The following TECPR2 variants were observed in gnomAD, a reference collection of about 807,000 sequenced individuals.
TECPR2 encodes tectonin beta-propeller repeat-containing protein 2.
In TECPR2, 65 loss-of-function variants were observed where a neutral mutation model predicts 138.1. The ratio of observed to expected loss-of-function variants is 0.47; its 90% CI spans 0.39 to 0.58. The LOEUF is 0.58. Among genes scored for constraint, TECPR2 ranks in the 20% least tolerant of loss-of-function variants. TECPR2 has a pLI of 0.00. For synonymous variants in TECPR2, 746 were observed against 749.8 expected (o/e 0.99, Z 0.08); for missense variants, 1,553 against 1,824.5 (o/e 0.85, Z 2.71).
chr14:102,479,949 G>GA (rs1273464021), intron 17 of TECPR2, among the ~76,000 whole-genome samples: 2 of 152,240 alleles, frequency 1.3e-5, no homozygotes, highest in African/African-American at 4.8e-5. Context: ...TGCCAGCCAG[G>GA]AGGGACTGTT....
intron 4 of TECPR2, among the ~76,000 whole-genome samples, chr14:102,410,103 C>A (rs1375565383): frequency 6.6e-6 from 1 of 152,212 alleles, no homozygotes; most frequent in Non-Finnish European, 1.5e-5. Flanking sequence ...GCCACTGCGC[C>A]TGGCTGAAAT....
rs971036474 is a variant in TECPR2 at position 102,403,228 on chromosome 14, A to G, written c.220-4110A>G. 2.6e-5 allele frequency among the ~76,000 whole-genome samples: 4 copies of G among 152,230 alleles called. No individual in the cohort carries two copies. In the South Asian group the frequency reaches 6.2e-4, roughly 24 times the overall value. On this transcript the variant is annotated intron_variant, in intron 2 of 19. Coordinates refer to ENST00000359520, the MANE Select transcript of TECPR2 (RefSeq NM_014844.5). Reference sequence around the variant, plus strand: ...TATTTCTGGAATGCAAGGATGGTTCAACATATGAAAGTCAGTTACCTAATA... The same window carrying G: ...TATTTCTGGAATGCAAGGATGGTTCGACATATGAAAGTCAGTTACCTAATA...
At chr14:102,412,201 G>A (rs1567329875) in intron 4 of TECPR2, among the ~76,000 whole-genome samples, 2 of 142,952 alleles carry the variant, frequency 1.4e-5, no homozygotes, top group Non-Finnish European at 3.0e-5. Flanking sequence ...GTGCAATCAC[G>A]GCTCACTGCA....
intron 2 of TECPR2, among the ~76,000 whole-genome samples, chr14:102,383,159 T>C (rs1335514699): frequency 6.6e-6 from 1 of 152,210 alleles, no homozygotes; most frequent in Non-Finnish European, 1.5e-5. Context: ...AAGATTCTCT[T>C]GTGCTACCTC....
Position 102,414,778 on chromosome 14 carries a change from C to T in TECPR2, c.623C>T (p.Thr208Ile), listed in dbSNP as rs144870163. Residue 208 changes from threonine (T) to isoleucine (I), a missense_variant, in exon 5 of 20, where the codon ACA (threonine) becomes ATA (isoleucine). Transcript: ENST00000359520. Reference sequence around the variant, plus strand: ...GAAAAGTCTGTAAGGCAAATTGGAACACAACCAAGGAAAAGGTAAGTTTCA... The same window carrying T: ...GAAAAGTCTGTAAGGCAAATTGGAATACAACCAAGGAAAAGGTAAGTTTCA... ...TEEKSVRQIG[T>I]QPRKSTGKFG... 331 of 1,614,142 alleles carry T rather than the reference C, an allele frequency of 2.1e-4. No homozygotes were observed. The African/African-American group carries it at 4.1e-3, about 20-fold the overall frequency.
At chr14:102,437,892 G>A in intron 9 of TECPR2, 130 bp from the exon 10 acceptor site, 1 of 1,061,996 alleles carries the variant, frequency 9.4e-7, no homozygotes, top group East Asian at 2.5e-5. Context: ...GAGAAGGGTT[G>A]ACTTGGCGTC....
chr14:102,482,071 A>G (rs1595146649), intron 17 of TECPR2, among the ~76,000 whole-genome samples: 1 of 149,572 alleles, frequency 6.7e-6, no homozygotes, highest in African/African-American at 2.5e-5. Flanking sequence ...TTTTTTTGAG[A>G]CAGAGCCTTG....
intron 17 of TECPR2, among the ~76,000 whole-genome samples, chr14:102,478,748 G>A (rs1890821403): frequency 6.6e-6 from 1 of 152,042 alleles, no homozygotes; most frequent in Non-Finnish European, 1.5e-5. Flanking sequence ...AAGCATGGTG[G>A]CTCACACCTG....
intron 1 of TECPR2, among the ~76,000 whole-genome samples, chr14:102,364,571 A>G (rs1887291175): frequency 6.6e-6 from 1 of 152,206 alleles, no homozygotes. Flanking sequence ...AGTGGTGGGG[A>G]AGATGGAATG....
chr14:102,430,238 T>C (rs1002292058), intron 7 of TECPR2, among the ~76,000 whole-genome samples: 1 of 152,116 alleles, frequency 6.6e-6, no homozygotes, highest in Non-Finnish European at 1.5e-5. Context: ...CCTCCCAAAG[T>C]GATGGGATTA....
At chr14:102,473,803 C>T (rs560694311) in intron 17 of TECPR2, among the ~76,000 whole-genome samples, 45 of 152,296 alleles carry the variant, frequency 3.0e-4, no homozygotes, top group South Asian at 6.2e-4. Context: ...AATTTTCTGT[C>T]TGTGTTAGAG....
intron 14 of TECPR2, 81 bp from the exon 15 acceptor site, chr14:102,450,479 C>T: frequency 7.3e-7 from 1 of 1,377,948 alleles, no homozygotes; most frequent in Non-Finnish European, 1.0e-6. Context: ...TGAAGGCCAG[C>T]TGTCGTCCAG....
chr14:102,372,125 A>AT (rs981890268), intron 1 of TECPR2, among the ~76,000 whole-genome samples: 6 of 151,658 alleles, frequency 4.0e-5, no homozygotes, highest in African/African-American at 1.2e-4. Context: ...TAATTTTTGT[A>AT]TTTTTTGCAG....
At chr14:102,475,974 G>C (rs935516389) in intron 17 of TECPR2, among the ~76,000 whole-genome samples, 1 of 152,166 alleles carries the variant, frequency 6.6e-6, no homozygotes. Flanking sequence ...CAGCACATTG[G>C]GAGGCTGAGG....
intron 6 of TECPR2, among the ~76,000 whole-genome samples, chr14:102,427,244 C>G (rs1289472458): frequency 6.6e-6 from 1 of 152,176 alleles, no homozygotes; most frequent in Admixed American, 6.5e-5. Flanking sequence ...AACTTATGTG[C>G]ACTTATTAAT....
chr14:102,443,533 A>G lies in TECPR2; in HGVS notation c.2753-114A>G. On this transcript the variant is annotated intron_variant, in intron 11 of 19. Transcript: ENST00000359520. The surrounding 1 kb of genome is among the most constrained non-coding windows in gnomAD (Gnocchi z 4.9). ...AAAGTTTTTTTTTAAAGCACTCATCATAAAAGAATATAGCAAAATACCAAA... is the reference window on the plus strand; with the variant it reads ...AAAGTTTTTTTTTAAAGCACTCATCGTAAAAGAATATAGCAAAATACCAAA... 9.7e-7 allele frequency: 1 copy of G among 1,035,320 alleles called. No homozygotes were observed. The highest frequency in any genetic ancestry group is 1.3e-6 in the Non-Finnish European group (1 of 783,452). The allele number at this position is 1,035,320 out of a possible 1,614,324, so 64.1% of individuals were successfully genotyped here.
At chr14:102,412,123 C>CTTT (rs751930335) in intron 4 of TECPR2, among the ~76,000 whole-genome samples, 180 of 90,676 alleles carry the variant, frequency 2.0e-3, no homozygotes, top group African/African-American at 4.4e-3. Flanking sequence ...AATGTTGACA[C>CTTT]TTTTTTTTTT....
chr14:102,408,484 A>T lies in TECPR2; in HGVS notation c.349-4A>T, dbSNP rs371043285. The T allele has an allele frequency of 6.9e-6, 11 of 1,596,858 alleles. No homozygotes were observed. The Admixed American group carries it at 1.8e-4, about 27-fold the overall frequency. ...TTGTGTATATTTTTATCCCTTGTTC[A>T]TAGCTTCGGAGATTTGATGTCACTG... On this transcript the variant is annotated splice_region_variant and splice_polypyrimidine_tract_variant and intron_variant, in intron 3 of 19. Transcript: ENST00000359520.
intron 2 of TECPR2, among the ~76,000 whole-genome samples, chr14:102,392,517 A>T (rs572272773): frequency 6.6e-6 from 1 of 152,216 alleles, no homozygotes; most frequent in East Asian, 1.9e-4. Flanking sequence ...TATTTCCAAT[A>T]GTAGTTGTTC....
Sources: allele counts gnomAD v4.1 joint callset (sites outside exome capture counted in the v4.1 genomes callset), GRCh38; gene constraint gnomAD v4.1.1; non-coding constraint Gnocchi (gnomAD v3.1); transcripts MANE v1.5; gene names NCBI Gene and HGNC (gene_info 2026-07-23, HGNC 2026-07-21).